Variants in MRTFB observed in about 807,000 individuals in gnomAD.
MRTFB encodes myocardin related transcription factor B, also known as myocardin-related transcription factor B.
MRTFB carries 29 observed loss-of-function variants against 104.2 expected under a neutral mutation model. The ratio of observed to expected loss-of-function variants is 0.28; its 90% confidence interval spans 0.21 to 0.38. The LOEUF (loss-of-function observed/expected upper bound fraction) is 0.38, where lower values mean the gene tolerates loss of function less well. Among genes scored for constraint, MRTFB ranks in the 10% least tolerant of loss-of-function variants. The pLI, the probability that MRTFB is intolerant of heterozygous loss-of-function variation, is 1.00. For synonymous variants in MRTFB, 535 were observed against 519.5 expected (o/e 1.03, Z -0.41); for missense variants, 1,270 against 1,341.6 (o/e 0.95, Z 0.83).
rs113389511 is a variant in MRTFB, at chr16:14,250,260, T to C, written c.2403+1179T>C. Among the ~76,000 whole-genome samples the C allele has an allele frequency of 9.5e-3, 1,443 of 152,326 alleles. 24 individuals carry two copies. Among genetic ancestry groups the C allele is most frequent in the African/African-American group, 0.033 (1,372 of 41,566 alleles). ...CATGGAGATTGTACTGTTTGAGGTA[T>C]ATACACATAGACTTTCCTGCTTATG... On this transcript the variant is annotated intron_variant, in intron 13 of 16. Coordinates refer to ENST00000571589, the MANE Select transcript of MRTFB (RefSeq NM_001308142.2).
intron 3 of MRTFB, among the ~76,000 whole-genome samples, chr16:14,145,313 A>G (rs561058265): frequency 6.6e-6 from 1 of 152,232 alleles, no homozygotes; most frequent in African/African-American, 2.4e-5. Flanking sequence ...ATTCCTAGAC[A>G]TTTGAATTTC....
chr16:14,097,811 T>C (rs923630949), intron 2 of MRTFB, among the ~76,000 whole-genome samples: 1 of 152,234 alleles, frequency 6.6e-6, no homozygotes. Flanking sequence ...TTCGAGGGTT[T>C]TGTATAAGTG....
chr16:14,257,306 C>CT (rs2043538305), intron 15 of MRTFB, among the ~76,000 whole-genome samples: 1 of 152,148 alleles, frequency 6.6e-6, no homozygotes, highest in Non-Finnish European at 1.5e-5. Context: ...TTCACAACAA[C>CT]TTTTTTGTAA....
intron 2 of MRTFB, among the ~76,000 whole-genome samples, chr16:14,124,836 T>A (rs957523445): frequency 1.3e-5 from 2 of 152,266 alleles, no homozygotes; most frequent in African/African-American, 2.4e-5. Flanking sequence ...TCGGAAGGAA[T>A]GTGTATTAAC....
intron 3 of MRTFB, among the ~76,000 whole-genome samples, chr16:14,174,432 C>A (rs1597152263): frequency 1.3e-5 from 2 of 152,292 alleles, no homozygotes; most frequent in Admixed American, 1.3e-4. Flanking sequence ...CTTGTAATCC[C>A]AGCACTTTGG....
At chr16:14,027,739 AG>A in the MRTFB span, among the ~76,000 whole-genome samples, 24 of 152,346 alleles carry the variant, frequency 1.6e-4, no homozygotes, top group African/African-American at 5.8e-4. Context: ...TTAACTTTAA[AG>A]GGGATTCCTT....
chr16:14,104,125 A>T lies in MRTFB; in HGVS notation c.-64+24771A>T, dbSNP rs1422123871. On this transcript the variant is annotated intron_variant, in intron 2 of 16. Transcript: ENST00000571589. ...GAGTGAAAAAACTTATAAAAATTAC[A>T]AATGAATTTTGACATGTTATAGAGT... 2.0e-5 allele frequency among the ~76,000 whole-genome samples: 3 copies of T among 152,240 alleles called. No individual in the cohort carries two copies. In the East Asian group the frequency reaches 5.8e-4, roughly 29 times the overall value.
rs914547729 is a variant in MRTFB at position 14,263,005 on chromosome 16, G to C, written c.*1561G>C. On this transcript the variant is annotated 3_prime_UTR_variant, in exon 17 of 17. Transcript: ENST00000571589. ...TTCTGGGTTTGTGTTTTGCCTAAGA[G>C]CTGATCTTATTTCTGATTTGTGTGT... 6.6e-6 allele frequency: 1 copy of C among 152,584 alleles called. No homozygotes were observed. The highest frequency in any genetic ancestry group is 2.4e-5 in the African/African-American group (1 of 41,466). 9.5% of individuals were successfully genotyped at this position (152,584 alleles called of 1,614,324 possible).
intron 3 of MRTFB, among the ~76,000 whole-genome samples, chr16:14,144,957 A>T (rs897897145): frequency 2.9e-5 from 4 of 139,160 alleles, no homozygotes; most frequent in Non-Finnish European, 4.5e-5. Context: ...TCAAAAAAAA[A>T]AAAAATAAAT....
intron 10 of MRTFB, among the ~76,000 whole-genome samples, chr16:14,242,729 G>A (rs1020945807): frequency 5.9e-5 from 9 of 152,158 alleles, no homozygotes; most frequent in Admixed American, 1.3e-4. Context: ...GATCACATTC[G>A]TTAGCAACCT....
intron 2 of MRTFB, among the ~76,000 whole-genome samples, chr16:14,125,657 A>G (rs1208500015): frequency 6.6e-6 from 1 of 152,142 alleles, no homozygotes; most frequent in Non-Finnish European, 1.5e-5. Context: ...TTCTTTTTGG[A>G]ATAACTTGTT....
the MRTFB span, among the ~76,000 whole-genome samples, chr16:14,017,047 A>AGTC: frequency 1.4e-4 from 20 of 140,526 alleles, no homozygotes; most frequent in African/African-American, 5.2e-4. Context: ...AAGCTGCTGC[A>AGTC]GTCTTCTTCT....
intron 2 of MRTFB, among the ~76,000 whole-genome samples, chr16:14,111,599 G>C (rs1311857376): frequency 2.0e-5 from 3 of 152,226 alleles, no homozygotes. Flanking sequence ...GGCAAACTGA[G>C]AGTTGGGTAT....
chr16:14,265,663 ACAT>A lies in MRTFB; in HGVS notation c.*4223_*4225del, dbSNP rs375248426. The stretch of plus-strand genomic sequence containing the variant: ...CCTTTCTTGCAGTATCCAGGGAAAC[ACAT>A]CATTACAAAGGGTTTCTACCTGAAA... On this transcript the variant is annotated 3_prime_UTR_variant, in exon 17 of 17. Coordinates refer to ENST00000571589, the MANE Select transcript of MRTFB (RefSeq NM_001308142.2). The A allele has an allele frequency of 6.2e-4, 95 of 152,332 alleles. No homozygotes were observed. The highest frequency in any genetic ancestry group is 2.2e-3 in the African/African-American group (92 of 41,566). 9.4% of individuals were successfully genotyped at this position (152,332 alleles called of 1,614,324 possible).
In MRTFB at chr16:14,246,774, T is replaced by C. The variant is rs781208606; in HGVS notation, c.1514T>C (p.Ile505Thr). The C allele has an allele frequency of 2.5e-6, 4 of 1,613,948 alleles. No homozygotes were observed. In the South Asian group the frequency reaches 4.4e-5, roughly 18 times the overall value. ...GAAAATGTTCATTCCCCTCTGCCCA[T>C]TTCACCATCTCCCTCCGAACAGTCC... ...RVENVHSPLP[I>T]SPSPSEQSSL... The change falls in exon 12 of 17, where the codon ATT (isoleucine) becomes ACT (threonine). Residue 505 changes from isoleucine to threonine, a missense_variant. This residue lies in a region of MRTFB where 1,144 missense variants were observed against 1,131.5 expected (regional missense o/e 1.01). Transcript: ENST00000571589.
At chr16:14,126,966 A>T (rs1445870935) in intron 2 of MRTFB, among the ~76,000 whole-genome samples, 2 of 152,240 alleles carry the variant, frequency 1.3e-5, no homozygotes, top group Non-Finnish European at 2.9e-5. Context: ...GGTTTCTCAC[A>T]GCCAAGTGTA....
At chr16:14,138,902 G>A (rs1272663965) in intron 2 of MRTFB, among the ~76,000 whole-genome samples, 1 of 152,020 alleles carries the variant, frequency 6.6e-6, no homozygotes, top group East Asian at 1.9e-4. Context: ...AAGTTGATTC[G>A]TATTTCACCA....
Position 14,218,913 on chromosome 16 carries a change from A to G in MRTFB, c.608A>G (p.Gln203Arg), listed in dbSNP as rs1286766607. ...DALSPDQPAS[Q>R]ESQGSAASPS... ...TTGTCTCCGGACCAGCCTGCGAGTC[A>G]GGAGTCACAGGGGTCAGCCGCGTCC... Residue 203 changes from glutamine to arginine, a missense_variant, in exon 8 of 17, where the codon CAG (glutamine) becomes CGG (arginine). Physicochemically the swap from Gln to Arg is conservative, Grantham distance 43 (BLOSUM62 1). Coordinates refer to ENST00000571589, the MANE Select transcript of MRTFB (RefSeq NM_001308142.2). 6.2e-7 allele frequency: 1 copy of G among 1,614,154 alleles called. No individual in the cohort carries two copies. The highest frequency in any genetic ancestry group is 1.1e-5 in the South Asian group (1 of 91,060).
chr16:14,225,098 A>C (rs1364465842), intron 8 of MRTFB, among the ~76,000 whole-genome samples: 1 of 152,204 alleles, frequency 6.6e-6, no homozygotes, highest in Non-Finnish European at 1.5e-5. Flanking sequence ...AGGTAGGAGC[A>C]TCGCTTGAAT....
Sources: gnomAD v4.1 joint callset for allele counts (sites outside exome capture counted in the v4.1 genomes callset) on GRCh38, gnomAD v4.1.1 for gene constraint, gnomAD v4.1.1 regional missense constraint, MANE v1.5 for transcripts, NCBI Gene and HGNC (gene_info 2026-07-23, HGNC 2026-07-21) for gene names.